The following COA1 variants were observed in gnomAD, a reference collection of about 807,000 sequenced individuals.
COA1 encodes the protein cytochrome c oxidase assembly factor 1.
A neutral mutation model predicts 16.0 loss-of-function variants in COA1; 13 were observed. The observed-to-expected ratio is 0.81, with a 90% CI of 0.53 to 1.29. The LOEUF (loss-of-function observed/expected upper bound fraction) is 1.29. Among genes scored for constraint, COA1 ranks in the 50% most tolerant of loss-of-function variants. COA1 has a pLI of 0.00. For missense variants in COA1, 179 were observed against 177.0 expected (o/e 1.01, Z -0.06); for synonymous variants, 65 against 65.7 (o/e 0.99, Z 0.05).
At chr7:43,703,891 T>C (rs2094861030) in intron 1 of COA1, among the ~76,000 whole-genome samples, 1 of 152,216 alleles carries the variant, frequency 6.6e-6, no homozygotes, top group Admixed American at 6.5e-5. Flanking sequence ...AGTTGTTATG[T>C]AGATAATATA....
chr7:43,665,282 A>G (rs991849126), intron 1 of COA1, among the ~76,000 whole-genome samples: 4 of 152,232 alleles, frequency 2.6e-5, no homozygotes, highest in African/African-American at 7.2e-5. Context: ...ATACTGCTCA[A>G]CATCCCAAAT....
At chr7:43,722,549 C>T (rs1047399926) in intron 1 of COA1, among the ~76,000 whole-genome samples, 6 of 152,174 alleles carry the variant, frequency 3.9e-5, no homozygotes, top group Non-Finnish European at 5.9e-5. Flanking sequence ...ACTACAGGCA[C>T]ATGCCATCAC....
chr7:43,653,967 TACAC>T (rs2091309033), intron 1 of COA1, among the ~76,000 whole-genome samples: 1 of 152,056 alleles, frequency 6.6e-6, no homozygotes, highest in Non-Finnish European at 1.5e-5. Context: ...CCTATAAAGA[TACAC>T]ACAAGAAAAG....
intron 1 of COA1, among the ~76,000 whole-genome samples, chr7:43,727,756 T>C (rs1329226241): frequency 6.6e-6 from 1 of 152,192 alleles, no homozygotes; most frequent in African/African-American, 2.4e-5. Flanking sequence ...GGTTTCCTTT[T>C]GGAGTGATGA....
At chr7:43,620,076 T>C (rs2083717631) in intron 6 of COA1, among the ~76,000 whole-genome samples, 2 of 152,280 alleles carry the variant, frequency 1.3e-5, no homozygotes, top group African/African-American at 4.8e-5. Flanking sequence ...ATAACAAACA[T>C]TGACAAAGGA....
rs2130906234 is a variant in COA1, at chr7:43,690,531, T to C, written c.-39+38898A>G. ...TCAGCCATAAAAATGAATGAAATAA[T>C]TGCATTCGCAGCAACCTGGATGGAA... On this transcript the variant is annotated intron_variant, in intron 1 of 5. Transcript: ENST00000223336. Among the ~76,000 whole-genome samples, 3 of 152,142 alleles carry C rather than the reference T, an allele frequency of 2.0e-5. 1 individual carries two copies. Among genetic ancestry groups the C allele is most frequent in the Middle Eastern group, 6.8e-3 (2 of 294 alleles).
intron 3 of COA1, chr7:43,646,385 T>G (rs1056709689): frequency 1.1e-5 from 4 of 358,494 alleles, no homozygotes; most frequent in African/African-American, 8.5e-5. Context: ...ACAGCTCTTG[T>G]GTTGTGAGAT....
chr7:43,676,525 G>A (rs1040373029), intron 1 of COA1, among the ~76,000 whole-genome samples: 1 of 152,144 alleles, frequency 6.6e-6, no homozygotes, highest in Non-Finnish European at 1.5e-5. Context: ...TCACTCATGT[G>A]CAGAAGCTAA....
chr7:43,710,394 A>ATATATATT (rs1417053077), intron 1 of COA1, among the ~76,000 whole-genome samples: 22 of 135,386 alleles, frequency 1.6e-4, no homozygotes, highest in African/African-American at 5.7e-4. Context: ...ATATATATAT[A>ATATATATT]TTTTTAAGAT....
chr7:43,655,655 C>CA (rs957634457), intron 1 of COA1, among the ~76,000 whole-genome samples: 7 of 151,742 alleles, frequency 4.6e-5, no homozygotes, highest in Non-Finnish European at 1.0e-4. Flanking sequence ...TTTTCCATCT[C>CA]AAAAAAAATT....
chr7:43,677,800 TAAAAAAAAAA>T (rs11310207), intron 1 of COA1, among the ~76,000 whole-genome samples: 3 of 116,832 alleles, frequency 2.6e-5, no homozygotes, highest in South Asian at 2.9e-4. Flanking sequence ...GGCTCTGTCT[TAAAAAAAAAA>T]AAAAAAAAAA....
chr7:43,639,606 G>A lies in COA1; in HGVS notation c.417C>T (p.Asn139=), dbSNP rs373930511. The A allele has an allele frequency of 2.4e-5, 38 of 1,613,658 alleles. No individual in the cohort carries two copies. The highest frequency in any genetic ancestry group is 1.0e-4 in the Admixed American group (6 of 59,960). ...TCTACTCCTTTTTCACTTCATCACC[G>A]TTTTCCCCACTGAGCTTGAACACAG... ...QIPVFKLSGE[N]GDEVKKE The change falls in exon 6 of 6, where the codon AAC becomes AAT. Residue 139 remains asparagine, a synonymous_variant. Transcript: ENST00000223336.
downstream of COA1, among the ~76,000 whole-genome samples, chr7:43,634,823 C>T (rs924031117): frequency 3.3e-5 from 5 of 152,200 alleles, no homozygotes; most frequent in Admixed American, 2.0e-4. Flanking sequence ...TTTGCTTAGC[C>T]GTTGGCTCCT....
intron 1 of COA1, among the ~76,000 whole-genome samples, chr7:43,651,212 A>T (rs566487368): frequency 1.3e-5 from 2 of 152,242 alleles, no homozygotes; most frequent in African/African-American, 2.4e-5. Flanking sequence ...CAATAAACTC[A>T]AGTTCAATCA....
At chr7:43,615,767 C>T (rs1456124343) in intron 6 of COA1, among the ~76,000 whole-genome samples, 1 of 152,174 alleles carries the variant, frequency 6.6e-6, no homozygotes, top group Non-Finnish European at 1.5e-5. Context: ...TGCTCCACAG[C>T]AGTACGGCCT....
downstream of COA1, among the ~76,000 whole-genome samples, chr7:43,637,963 T>G (rs924204759): frequency 1.3e-5 from 2 of 152,108 alleles, no homozygotes; most frequent in African/African-American, 4.8e-5. Flanking sequence ...CCACATAAAT[T>G]CACAACATAT....
At chr7:43,685,345 T>C (rs1217918382) in intron 1 of COA1, among the ~76,000 whole-genome samples, 1 of 152,096 alleles carries the variant, frequency 6.6e-6, no homozygotes, top group Non-Finnish European at 1.5e-5. Flanking sequence ...GTGTCCAACA[T>C]TACAGATCCA....
intron 1 of COA1, among the ~76,000 whole-genome samples, chr7:43,720,052 G>A (rs2095475309): frequency 6.6e-6 from 1 of 152,174 alleles, no homozygotes; most frequent in Non-Finnish European, 1.5e-5. Flanking sequence ...GCCAAGGTGG[G>A]CGGGTCACTT....
At position 43,679,680 on chromosome 7, in the gene COA1, G is replaced by A. The variant is rs527739226; in HGVS notation, c.-38-31028C>T. Among the ~76,000 whole-genome samples, 4 of 152,304 alleles carry A rather than the reference G, an allele frequency of 2.6e-5. No homozygotes were observed. In the East Asian group the frequency reaches 5.8e-4, roughly 22 times the overall value. ...AAGTGCACACTGTCTAAGTACCTAC[G>A]CTGTGGACTTAAAATCAGTCTTATA... On this transcript the variant is annotated intron_variant, in intron 1 of 5. Coordinates refer to ENST00000223336, the MANE Select transcript of COA1 (RefSeq NM_018224.4).
Sources: gnomAD v4.1 joint callset for allele counts (sites outside exome capture counted in the v4.1 genomes callset) on GRCh38, gnomAD v4.1.1 for gene constraint, MANE v1.5 for transcripts, NCBI Gene and HGNC (gene_info 2026-07-23, HGNC 2026-07-21) for gene names.